Variants in FARSB observed in about 807,000 individuals in gnomAD.
The protein encoded by FARSB is phenylalanine--tRNA ligase beta subunit.
In FARSB, 40 loss-of-function variants were observed where a neutral mutation model predicts 69.6. That is an observed-to-expected ratio of 0.57 (90% CI 0.45 to 0.75). FARSB has a LOEUF of 0.75. FARSB is among the 30% of genes least tolerant of loss of function. The pLI, the probability that FARSB is intolerant of heterozygous loss-of-function variation, is 0.00. For synonymous variants in FARSB, 235 were observed against 247.2 expected, an observed-to-expected ratio of 0.95 and a Z score of 0.46; for missense variants, 632 against 722.9, an observed-to-expected ratio of 0.87 and a Z score of 1.44.
At chr2:222,590,047 T>C (rs982383522) in intron 16 of FARSB, among the ~76,000 whole-genome samples, 5 of 152,182 alleles carry the variant, frequency 3.3e-5, no homozygotes, top group Non-Finnish European at 7.3e-5. Flanking sequence ...ATCATGCTGC[T>C]ATAAAGACAC....
chr2:222,610,403 A>G (rs1027208019), intron 15 of FARSB, among the ~76,000 whole-genome samples: 1 of 152,212 alleles, frequency 6.6e-6, no homozygotes, highest in Non-Finnish European at 1.5e-5. Context: ...TCACTCAAAA[A>G]AAGTAGGTGA....
rs1393416123 is a variant in FARSB, at chr2:222,568,149, G to C, written c.*3722C>G. On this transcript the variant is annotated 3_prime_UTR_variant, in exon 17 of 17. Transcript: ENST00000281828. The surrounding 1 kb of genome is among the most constrained non-coding windows in gnomAD (Gnocchi z 4.3). ...ATGTCCAAACTAAGGAACAATACAG[G>C]CTAAATTGTTAACAGCAGTTAGTTA... 6.6e-6 allele frequency: 1 copy of C among 152,170 alleles called. No homozygotes were observed. Among genetic ancestry groups the C allele is most frequent in the Non-Finnish European group, 1.5e-5 (1 of 68,040 alleles). The allele number at this position is 152,170 out of a possible 1,614,324, so 9.4% of individuals were successfully genotyped here. A position where few individuals can be genotyped will look rare whatever the true frequency, so the allele number is the denominator to read the frequency against.
chr2:222,646,260 C>T (rs1691852886), intron 2 of FARSB, among the ~76,000 whole-genome samples: 1 of 152,192 alleles, frequency 6.6e-6, no homozygotes, highest in Admixed American at 6.5e-5. Flanking sequence ...ATGTCTTTAA[C>T]TTCTACTTCC....
At chr2:222,594,286 T>G (rs1029729474) in intron 16 of FARSB, among the ~76,000 whole-genome samples, 2 of 152,010 alleles carry the variant, frequency 1.3e-5, no homozygotes, top group African/African-American at 4.8e-5. Flanking sequence ...AAGTTTTGAA[T>G]GATTTTTATA....
At chr2:222,572,604 C>G (rs1202750459) in intron 16 of FARSB, among the ~76,000 whole-genome samples, 1 of 152,174 alleles carries the variant, frequency 6.6e-6, no homozygotes, top group Non-Finnish European at 1.5e-5. Context: ...CAGAAGGCAA[C>G]CCACATTCCC....
intron 10 of FARSB, among the ~76,000 whole-genome samples, chr2:222,625,574 A>G (rs1010800058): frequency 2.0e-4 from 31 of 152,194 alleles, no homozygotes; most frequent in Non-Finnish European, 4.0e-4. Context: ...TGGCAGTGAC[A>G]CCAGAGCTAC....
At chr2:222,638,714 GTT>G (rs1691645184) in intron 5 of FARSB, among the ~76,000 whole-genome samples, 1 of 152,088 alleles carries the variant, frequency 6.6e-6, no homozygotes, top group Non-Finnish European at 1.5e-5. Flanking sequence ...AGGCTCTACA[GTT>G]TACTAAACTA....
At chr2:222,593,030 G>T (rs748698908) in intron 16 of FARSB, among the ~76,000 whole-genome samples, 1 of 151,952 alleles carries the variant, frequency 6.6e-6, no homozygotes, top group Non-Finnish European at 1.5e-5. Context: ...GACTAAAAAC[G>T]TATCATATAT....
At chr2:222,648,481 T>C (rs1691929802) in intron 2 of FARSB, among the ~76,000 whole-genome samples, 1 of 152,200 alleles carries the variant, frequency 6.6e-6, no homozygotes. Flanking sequence ...TGGGGTTATC[T>C]AACACATTCT....
Position 222,641,862 on chromosome 2 carries a change from C to G in FARSB, c.270-931G>C, listed in dbSNP as rs1691726825. On this transcript the variant is annotated intron_variant, in intron 3 of 16. Coordinates refer to ENST00000281828, the MANE Select transcript of FARSB (RefSeq NM_005687.5). ...ACCAATACCCATCACTCACCTAAAC[C>G]CTCACAATTTCAGAATCTAGCCCAT... Among the ~76,000 whole-genome samples the G allele has an allele frequency of 2.6e-5, 4 of 152,292 alleles. No individual in the cohort carries two copies. The South Asian group carries it at 6.2e-4, about 24-fold the overall frequency.
rs1690335847 is a variant in FARSB, at chr2:222,593,677, C to A, written c.1618+6251G>T. Among the ~76,000 whole-genome samples the A allele has an allele frequency of 2.0e-5, 3 of 151,000 alleles. No homozygotes were observed. The South Asian group carries it at 6.3e-4, about 32-fold the overall frequency. ...GAGTTCAAGATCAGCCTAAGCAACA[C>A]AGAGAAACTGTCTCTAAAGAAAACA... is the stretch of plus-strand genomic sequence containing the variant. On this transcript the variant is annotated intron_variant, in intron 16 of 16. Coordinates refer to ENST00000281828, the MANE Select transcript of FARSB (RefSeq NM_005687.5).
At chr2:222,626,116 G>T (rs1691263475) in intron 10 of FARSB, among the ~76,000 whole-genome samples, 1 of 151,886 alleles carries the variant, frequency 6.6e-6, no homozygotes, top group Non-Finnish European at 1.5e-5. Context: ...GGGCATGGTG[G>T]CACAAGCCTG....
chr2:222,603,592 C>T (rs1690620261), intron 15 of FARSB, among the ~76,000 whole-genome samples: 1 of 149,960 alleles, frequency 6.7e-6, no homozygotes, highest in South Asian at 2.1e-4. Flanking sequence ...AAACAAAGCT[C>T]AGAATGATTA....
At chr2:222,635,628 T>C (rs1691559035) in intron 5 of FARSB, among the ~76,000 whole-genome samples, 1 of 152,200 alleles carries the variant, frequency 6.6e-6, no homozygotes, top group Non-Finnish European at 1.5e-5. Flanking sequence ...CATTGGTCCC[T>C]TAATCCTAAA....
intron 16 of FARSB, among the ~76,000 whole-genome samples, chr2:222,585,884 T>C (rs1039520405): frequency 1.3e-5 from 2 of 152,126 alleles, no homozygotes; most frequent in East Asian, 3.9e-4. Context: ...AAATCTACGT[T>C]TGATTGGTGT....
chr2:222,649,018 G>C (rs1385752742), intron 1 of FARSB, among the ~76,000 whole-genome samples: 1 of 152,068 alleles, frequency 6.6e-6, no homozygotes, highest in Non-Finnish European at 1.5e-5. Flanking sequence ...TCTGAGGTCA[G>C]GAGTTTGAAA....
intron 16 of FARSB, among the ~76,000 whole-genome samples, chr2:222,589,714 T>A (rs893881746): frequency 5.3e-5 from 8 of 152,066 alleles, no homozygotes; most frequent in African/African-American, 1.7e-4. Context: ...GATATCAACA[T>A]GTACTTCTCA....
At chr2:222,655,197 T>C (rs1471542522) in intron 1 of FARSB, among the ~76,000 whole-genome samples, 2 of 149,456 alleles carry the variant, frequency 1.3e-5, no homozygotes, top group African/African-American at 5.0e-5. Context: ...TCTCAAAAAA[T>C]AAAAATAAAA....
In FARSB at chr2:222,569,688, C is replaced by T. The variant is rs1689682108; in HGVS notation, c.*2183G>A. On this transcript the variant is annotated 3_prime_UTR_variant, in exon 17 of 17. Transcript: ENST00000281828. ...GGTCCTGCCGACCACCTGCTTTTGACTTTTTTAGACTCTCAGGTAAATAGA... is the reference window on the plus strand; with the variant it reads ...GGTCCTGCCGACCACCTGCTTTTGATTTTTTTAGACTCTCAGGTAAATAGA... 6.6e-6 allele frequency: 1 copy of T among 152,130 alleles called. No homozygotes were observed. Among genetic ancestry groups the T allele is most frequent in the Non-Finnish European group, 1.5e-5 (1 of 68,008 alleles). 9.4% of individuals were successfully genotyped at this position (152,130 alleles called of 1,614,324 possible).
Sources: gnomAD v4.1 joint callset for allele counts (sites outside exome capture counted in the v4.1 genomes callset) on GRCh38, gnomAD v4.1.1 for gene constraint, Gnocchi (gnomAD v3.1) non-coding constraint, MANE v1.5 for transcripts, NCBI Gene and HGNC (gene_info 2026-07-23, HGNC 2026-07-21) for gene names.